CFAP46: variants seen among roughly 807,000 people sequenced by gnomAD.
CFAP46 encodes the protein cilia and flagella associated protein 46.
A neutral mutation model predicts 325.7 loss-of-function variants in CFAP46; 245 were observed. The ratio of observed to expected loss-of-function variants is 0.75; its 90% CI spans 0.68 to 0.84. The LOEUF (loss-of-function observed/expected upper bound fraction) is 0.84. Among genes scored for constraint, CFAP46 ranks in the 40% least tolerant of loss-of-function variants. The pLI, the probability that CFAP46 is intolerant of heterozygous loss-of-function variation, is 0.00. For synonymous variants in CFAP46, 1,523 were observed against 1,495.9 expected (o/e 1.02, Z -0.42); for missense variants, 3,346 against 3,543.0 (o/e 0.94, Z 1.41).
At position 132,890,885 on chromosome 10, in the gene CFAP46, C is replaced by G. The variant is rs1849244883; in HGVS notation, c.3304+1448G>C. ...TCAACTTTGCTTCTCTAAATAGACT[C>G]TAATGCTCAAGGTAGGTTCCACTTT... On this transcript the variant is annotated intron_variant, in intron 25 of 57. Transcript: ENST00000368586. Among the ~76,000 whole-genome samples the G allele has an allele frequency of 3.9e-5, 6 of 152,218 alleles. No homozygotes were observed. The South Asian group carries it at 1.2e-3, about 32-fold the overall frequency.
rs553658116 is a variant in CFAP46 at position 132,816,401 on chromosome 10, G to A, written c.7118-1487C>T. On this transcript the variant is annotated intron_variant, in intron 50 of 57. Coordinates refer to ENST00000368586, the MANE Select transcript of CFAP46 (RefSeq NM_001200049.3). ...GGCTGGAGTGCAGTGGCGCGATCTC[G>A]GCTCACTGCAAGCTCCACCTCCCGG... Among the ~76,000 whole-genome samples the A allele has an allele frequency of 3.5e-3, 507 of 146,000 alleles. 3 individuals carry two copies. The highest frequency in any genetic ancestry group is 0.012 in the African/African-American group (472 of 39,098).
At chr10:132,879,376 C>G in intron 29 of CFAP46, 50 bp downstream of exon 29, 1 of 1,436,190 alleles carries the variant, frequency 7.0e-7, no homozygotes, top group Non-Finnish European at 9.2e-7. Flanking sequence ...CAGCCCGCGG[C>G]CCGTCCCGGG....
intron 33 of CFAP46, among the ~76,000 whole-genome samples, chr10:132,867,814 C>T (rs540801767): frequency 3.3e-5 from 5 of 152,224 alleles, no homozygotes; most frequent in Admixed American, 1.3e-4. Context: ...GTGCCTCCCG[C>T]GGGCACCCCC....
At chr10:132,858,718 G>A (rs980934604) in intron 38 of CFAP46, among the ~76,000 whole-genome samples, 8 of 152,156 alleles carry the variant, frequency 5.3e-5, no homozygotes, top group Non-Finnish European at 7.4e-5. Flanking sequence ...TGCAATGCGC[G>A]TGTGCCTGTG....
rs191197601 is a variant in CFAP46, at chr10:132,872,042, G to T, written c.4511+634C>A. 9.8e-3 allele frequency among the ~76,000 whole-genome samples: 1,498 copies of T among 152,194 alleles called. 15 individuals are homozygous for T. The highest frequency in any genetic ancestry group is 0.043 in the South Asian group (208 of 4,810). ...ATGTATGTACATTTTTTAGACATAA[G>T]GCTATCACACACTTAATAGACTACA... On this transcript the variant is annotated intron_variant, in intron 32 of 57. Coordinates refer to ENST00000368586, the MANE Select transcript of CFAP46 (RefSeq NM_001200049.3).
rs1420719560 is a variant in CFAP46 at position 132,888,317 on chromosome 10, C to G, written c.3305-2358G>C. On this transcript the variant is annotated intron_variant, in intron 25 of 57. Coordinates refer to ENST00000368586, the MANE Select transcript of CFAP46 (RefSeq NM_001200049.3). ...CTTCCATAGCCTGTACCCCTGCCAC[C>G]TTCACCCCTGCCGCCTGCACCTGCC... Among the ~76,000 whole-genome samples the G allele has an allele frequency of 4.2e-5, 6 of 144,372 alleles. No individual in the cohort carries two copies. In the South Asian group the frequency reaches 1.4e-3, roughly 33 times the overall value. 94.7% of individuals were successfully genotyped at this position (144,372 alleles called of 152,430 possible). A position where few individuals can be genotyped will look rare whatever the true frequency, so the allele number is the denominator to read the frequency against.
chr10:132,877,045 G>T lies in CFAP46; in HGVS notation c.4213-84C>A. ...CCCGGCCCACCGGCATGGCTGTGCA[G>T]CATTCAGGCCACAGCCCTGGGCAGC... is the stretch of plus-strand genomic sequence containing the variant. On this transcript the variant is annotated intron_variant, in intron 30 of 57. Coordinates refer to ENST00000368586, the MANE Select transcript of CFAP46 (RefSeq NM_001200049.3). The surrounding 1 kb of genome is among the most constrained non-coding windows in gnomAD (Gnocchi z 5.7). The T allele has an allele frequency of 7.1e-7, 1 of 1,410,468 alleles. No individual in the cohort carries two copies. The highest frequency in any genetic ancestry group is 9.6e-7 in the Non-Finnish European group (1 of 1,040,416). 87.4% of individuals were successfully genotyped at this position (1,410,468 alleles called of 1,614,324 possible).
At chr10:132,898,479 G>A in intron 24 of CFAP46, 2 of 295,772 alleles carry the variant, frequency 6.8e-6, no homozygotes, top group South Asian at 3.3e-5. Context: ...GTCCTCCCTG[G>A]GTTGCCCCAT....
chr10:132,918,439 G>A lies in CFAP46; in HGVS notation c.1940C>T (p.Pro647Leu). Residue 647 changes from proline to leucine, a missense_variant, in exon 16 of 58, where the codon CCC becomes CTC. Coordinates refer to ENST00000368586, the MANE Select transcript of CFAP46 (RefSeq NM_001200049.3). ...CTCCGCGAACTTCCGCAGCAGGTCG[G>A]GGCACACCTGCCTCTGCAGGACGAC... ...PEVVLQRQVCPDLLRKFAEVG... is the reference protein window; with the variant it reads ...PEVVLQRQVCLDLLRKFAEVG... 1 of 1,549,414 alleles carries A rather than the reference G, an allele frequency of 6.5e-7. No homozygotes were observed. Among genetic ancestry groups the A allele is most frequent in the Non-Finnish European group, 8.7e-7 (1 of 1,146,176 alleles).
chr10:132,856,293 T>C (rs1343693989), intron 39 of CFAP46, among the ~76,000 whole-genome samples: 2 of 152,256 alleles, frequency 1.3e-5, no homozygotes, highest in African/African-American at 2.4e-5. Flanking sequence ...TGGTGTGCCC[T>C]GATATAGTTT....
chr10:132,931,751 G>A (rs149737213), intron 8 of CFAP46, among the ~76,000 whole-genome samples: 2,492 of 57,182 alleles, frequency 0.044, 14 homozygotes, highest in East Asian at 0.05. Flanking sequence ...CACTCCCCAC[G>A]CAGAGCCTGG....
chr10:132,907,664 T>C (rs1305480218), intron 22 of CFAP46, among the ~76,000 whole-genome samples: 1 of 152,208 alleles, frequency 6.6e-6, no homozygotes, highest in Non-Finnish European at 1.5e-5. Context: ...CGACCTGCCA[T>C]GGGCGGAGTG....
Position 132,939,810 on chromosome 10 carries a change from T to C in CFAP46, c.372-1057A>G, listed in dbSNP as rs12251348. Among the ~76,000 whole-genome samples, 1,973 of 152,276 alleles carry C rather than the reference T, an allele frequency of 0.013. 52 individuals carry two copies. Among genetic ancestry groups the C allele is most frequent in the African/African-American group, 0.045 (1,877 of 41,560 alleles). On this transcript the variant is annotated intron_variant, in intron 4 of 57. Transcript: ENST00000368586. The surrounding 1 kb of genome is among the most constrained non-coding windows in gnomAD (Gnocchi z 4.6). ...AAGGAACCCGTCTCCTCCCTGTAAGTGGCTCTCCCCAAATTCCCACTGTGG... is the reference window on the plus strand; with the variant it reads ...AAGGAACCCGTCTCCTCCCTGTAAGCGGCTCTCCCCAAATTCCCACTGTGG...
At chr10:132,890,461 C>T (rs763854187) in intron 25 of CFAP46, among the ~76,000 whole-genome samples, 3 of 152,332 alleles carry the variant, frequency 2.0e-5, no homozygotes, top group South Asian at 2.1e-4. Context: ...GGGCCTCTGA[C>T]GTCAGAACCC....
chr10:132,924,819 CG>C lies in CFAP46; in HGVS notation c.1132del (p.Arg378GlyfsTer44). Reference protein sequence around the residue: ...LQRAVRLGDPRVIHVVCATQW... With the variant: ...LQRAVRLGDPXVIHVVCATQW... ...CGTGGCGCACACCACGTGGATGACC[CG>C]GGGGTCGCCCAGGCGCACGGCTCGC... On this transcript the variant is annotated frameshift_variant, in exon 11 of 58. Coordinates refer to ENST00000368586, the MANE Select transcript of CFAP46 (RefSeq NM_001200049.3). LOFTEE classifies it high-confidence loss of function. 2.0e-6 allele frequency: 3 copies of C among 1,466,102 alleles called. No individual in the cohort carries two copies. Among genetic ancestry groups the C allele is most frequent in the Non-Finnish European group, 2.7e-6 (3 of 1,104,248 alleles). 90.8% of individuals were successfully genotyped at this position (1,466,102 alleles called of 1,614,324 possible).
At chr10:132,858,291 T>C (rs1273130235) in intron 38 of CFAP46, among the ~76,000 whole-genome samples, 2 of 134,238 alleles carry the variant, frequency 1.5e-5, no homozygotes, top group South Asian at 5.1e-4. Flanking sequence ...CGGCCCCAGG[T>C]TGGGGGCAGG....
chr10:132,885,775 T>TCACAGGCGGTGGGGGGAGCACTCA lies in CFAP46; in HGVS notation c.3443+45_3443+46insTGAGTGCTCCCCCCACCGCCTGTG, dbSNP rs766310878. ...CACTCACAGGCGGTGGGGGGAGCAC[T>TCACAGGCGGTGGGGGGAGCACTCA]CAGGCGGTGGAGGGAGCACTCACAG... On this transcript the variant is annotated intron_variant, in intron 26 of 57. Coordinates refer to ENST00000368586, the MANE Select transcript of CFAP46 (RefSeq NM_001200049.3). The TCACAGGCGGTGGGGGGAGCACTCA allele has an allele frequency of 2.3e-6, 3 of 1,317,350 alleles. No individual in the cohort carries two copies. In the African/African-American group the frequency reaches 1.1e-4, roughly 49 times the overall value. The allele number at this position is 1,317,350 out of a possible 1,614,324, so 81.6% of individuals were successfully genotyped here. A position where few individuals can be genotyped will look rare whatever the true frequency, so the allele number is the denominator to read the frequency against.
intron 25 of CFAP46, among the ~76,000 whole-genome samples, chr10:132,890,052 T>C (rs141800317): frequency 6.6e-6 from 1 of 152,358 alleles, no homozygotes; most frequent in African/African-American, 2.4e-5. Context: ...TTTCTAGAAT[T>C]TGAATTTTTA....
intron 7 of CFAP46, among the ~76,000 whole-genome samples, chr10:132,936,419 G>T (rs1219296593): frequency 2.4e-5 from 2 of 81,748 alleles, no homozygotes; most frequent in African/African-American, 1.0e-4. Context: ...AACACACTGT[G>T]ATCTCCTCAC....
Sources: gnomAD v4.1 joint callset for allele counts (sites outside exome capture counted in the v4.1 genomes callset) on GRCh38, gnomAD v4.1.1 for gene constraint, Gnocchi (gnomAD v3.1) non-coding constraint, MANE v1.5 for transcripts, NCBI Gene and HGNC (gene_info 2026-07-23, HGNC 2026-07-21) for gene names.